BAIAP3: variants seen among roughly 807,000 people sequenced by gnomAD.
BAIAP3 encodes the protein BAI1 associated protein 3, also known as BAI1-associated protein 3.
A neutral mutation model predicts 149.7 loss-of-function variants in BAIAP3; 180 were observed. The ratio of observed to expected loss-of-function variants is 1.20; its 90% CI spans 1.07 to 1.36. The LOEUF (loss-of-function observed/expected upper bound fraction) is 1.36, where lower values mean the gene tolerates loss of function less well. BAIAP3 is among the 40% of genes most tolerant of loss of function. The probability of loss-of-function intolerance (pLI) is 0.00; values close to 1 mark genes in which losing one functional copy is unlikely to be tolerated. For synonymous variants in BAIAP3, 845 were observed against 670.7 expected, an observed-to-expected ratio of 1.26 and a Z score of -4.02; for missense variants, 1,767 against 1,563.4, an observed-to-expected ratio of 1.13 and a Z score of -2.20.
chr16:1,343,515 T>TG lies in BAIAP3; in HGVS notation c.1386+5dup. On this transcript the variant is annotated splice_region_variant and intron_variant, in intron 15 of 33. Coordinates refer to ENST00000426824, the MANE Select transcript of BAIAP3 (RefSeq NM_001199097.2). The stretch of plus-strand genomic sequence containing the variant: ...GCTCCTTCACTGCCCCAGGAGCAGG[T>TG]GGGTGCAGCCGGGACCTTCTTGCCA... The TG allele has an allele frequency of 6.2e-7, 1 of 1,606,094 alleles. No individual in the cohort carries two copies.
chr16:1,338,465 C>A (rs1208783098), intron 1 of BAIAP3, 75 bp from the exon 2 acceptor site: 4 of 292,332 alleles, frequency 1.4e-5, no homozygotes, highest in Non-Finnish European at 2.2e-5. Flanking sequence ...CCCACCCCCC[C>A]ACCCCCCCGC....
intron 17 of BAIAP3, 39 bp from the exon 18 acceptor site, chr16:1,344,430 C>A: frequency 6.2e-7 from 1 of 1,612,846 alleles, no homozygotes; most frequent in South Asian, 1.1e-5. Flanking sequence ...TTCCTCTTCC[C>A]TGCAATCCAC....
intron 29 of BAIAP3, 28 bp from the exon 30 acceptor site, chr16:1,347,517 G>T (rs550014770): frequency 6.3e-7 from 1 of 1,579,598 alleles, no homozygotes; most frequent in African/African-American, 1.4e-5. Flanking sequence ...GCACCCAGGG[G>T]CCCCTCCTGA....
At chr16:1,336,292 C>G in intron 1 of BAIAP3, 3 of 985,456 alleles carry the variant, frequency 3.0e-6, no homozygotes, top group Non-Finnish European at 3.6e-6. Context: ...GATTTCACGA[C>G]TGGCTGTGGG....
chr16:1,339,803 G>T (rs57302381), intron 5 of BAIAP3, among the ~76,000 whole-genome samples, 200 bp downstream of exon 5: 2,475 of 142,538 alleles, frequency 0.017, 63 homozygotes, highest in African/African-American at 0.065. Flanking sequence ...CAGGCTGCAG[G>T]TGCACACAGA....
rs565528199 is a variant in BAIAP3, at chr16:1,347,120, T to C, written c.2751+165T>C. On this transcript the variant is annotated intron_variant, in intron 28 of 33. Coordinates refer to ENST00000426824, the MANE Select transcript of BAIAP3 (RefSeq NM_001199097.2). The stretch of plus-strand genomic sequence containing the variant: ...GTTAATGCCGAGGTGTGGCCTCTGG[T>C]GATGGCCTTTCCCCACGCTTCCTGG... 1.4e-4 allele frequency: 124 copies of C among 870,086 alleles called. 1 individual carries two copies. In the South Asian group the frequency reaches 2.0e-3, roughly 14 times the overall value. 53.9% of individuals were successfully genotyped at this position (870,086 alleles called of 1,614,324 possible).
At chr16:1,344,392 C>A in intron 17 of BAIAP3, 75 bp downstream of exon 17, 1 of 1,609,570 alleles carries the variant, frequency 6.2e-7, no homozygotes, top group Non-Finnish European at 8.5e-7. Context: ...TCCCCTGCAC[C>A]TCTGCACCAC....
In BAIAP3 at chr16:1,342,219, G is replaced by A. The variant is rs151024049; in HGVS notation, c.893G>A (p.Gly298Glu). 974 of 1,606,784 alleles carry A rather than the reference G, an allele frequency of 6.1e-4. 1 individual carries two copies. Among genetic ancestry groups the A allele is most frequent in the Non-Finnish European group, 7.9e-4 (925 of 1,176,762 alleles). ...ATCGTCAAGTCAGCCCGCGCAAACG[G>A]GACAGCAGGACCCACCGAGGACCAC... is the stretch of plus-strand genomic sequence containing the variant. ...KQIVKSARANGTAGPTEDHTD... is the reference protein window; with the variant it reads ...KQIVKSARANETAGPTEDHTD... The change falls in exon 11 of 34, where the codon GGG becomes GAG. Residue 298 changes from glycine (G) to glutamate (E), a missense_variant. By Grantham distance (98) the Gly-to-Glu change is moderately conservative. Transcript: ENST00000426824.
chr16:1,343,809 G>A (rs1596578064), intron 15 of BAIAP3, among the ~76,000 whole-genome samples: 1 of 152,240 alleles, frequency 6.6e-6, no homozygotes, highest in Non-Finnish European at 1.5e-5. Context: ...GGGAACTGCA[G>A]GGGCACAGGC....
At chr16:1,336,162 G>T (rs1412051099) in intron 1 of BAIAP3, 1 of 972,754 alleles carries the variant, frequency 1.0e-6, no homozygotes, top group Non-Finnish European at 1.2e-6. Context: ...TGCCGCGGCG[G>T]TTGCCCTGGC....
intron 1 of BAIAP3, chr16:1,336,523 C>T: frequency 2.5e-6 from 1 of 399,474 alleles, no homozygotes; most frequent in Non-Finnish European, 3.4e-6. Context: ...TGGCAGGGAC[C>T]CTGGAATCAA....
Position 1,349,300 on chromosome 16 carries a change from T to C in BAIAP3, c.*818T>C. 2.1e-6 allele frequency: 2 copies of C among 956,868 alleles called. No homozygotes were observed. Among genetic ancestry groups the C allele is most frequent in the Non-Finnish European group, 3.4e-6 (2 of 595,196 alleles). The allele number at this position is 956,868 out of a possible 1,614,324, so 59.3% of individuals were successfully genotyped here. A position where few individuals can be genotyped will look rare whatever the true frequency, so the allele number is the denominator to read the frequency against. On this transcript the variant is annotated 3_prime_UTR_variant, in exon 34 of 34. Transcript: ENST00000426824. ...GGCAGGACACAGAGCACAGCTGTGC[T>C]GGAAGTGTGGGGAGAACCCGGACAG... is the stretch of plus-strand genomic sequence containing the variant.
chr16:1,343,102 C>A (rs558637047), intron 14 of BAIAP3, 86 bp downstream of exon 14: 43 of 524,936 alleles, frequency 8.2e-5, no homozygotes, highest in South Asian at 6.9e-4. Flanking sequence ...GAGTGGATGT[C>A]GTGGCTGGGA....
intron 1 of BAIAP3, chr16:1,334,440 A>C: frequency 5.4e-6 from 3 of 552,510 alleles, no homozygotes; most frequent in African/African-American, 1.9e-5. Context: ...GCCCCGGGAA[A>C]GGGGGTGCCG....
In BAIAP3 at chr16:1,338,651, C is replaced by T. The variant is rs373174441; in HGVS notation, c.102C>T (p.Ala34=). 3.6e-5 allele frequency: 57 copies of T among 1,590,962 alleles called. No individual in the cohort carries two copies. The highest frequency in any genetic ancestry group is 8.8e-5 in the Admixed American group (5 of 56,532). The change falls in exon 2 of 34, where the codon GCC becomes GCT. Residue 34 remains alanine, a synonymous_variant. Coordinates refer to ENST00000426824, the MANE Select transcript of BAIAP3 (RefSeq NM_001199097.2). ...RTEQDPGSAS[A]DPQEPATGAW... ...AGCAGGACCCAGGGAGTGCCAGCGC[C>T]GACCCGCAGGAGCCTGCCACGGGGG...
Position 1,346,871 on chromosome 16 carries a change from A to C in BAIAP3, c.2667A>C (p.Leu889=). Residue 889 remains leucine (L), a synonymous_variant, in exon 28 of 34, where the codon CTA becomes CTC. Transcript: ENST00000426824. Reference sequence around the variant, plus strand: ...GGGTGCTGGAGGCCCTGTGGGAGCTACTCCTCCAGGCCATTCTGCAGGCGC... The same window carrying C: ...GGGTGCTGGAGGCCCTGTGGGAGCTCCTCCTCCAGGCCATTCTGCAGGCGC... ...LSRVLEALWE[L]LLQAILQALG... The C allele has an allele frequency of 6.2e-7, 1 of 1,606,982 alleles. No individual in the cohort carries two copies. The highest frequency in any genetic ancestry group is 8.5e-7 in the Non-Finnish European group (1 of 1,178,580).
chr16:1,348,303 TGA>T lies in BAIAP3; in HGVS notation c.3355+4_3355+5del. ...ACCTGTGCCGGCCCAGAGCCCAGGG[TGA>T]GTGAGCATCTGGGTGGAGGCAGGGG... On this transcript the variant is annotated splice_donor_region_variant and intron_variant, in intron 33 of 33. Transcript: ENST00000426824. 1 of 1,601,026 alleles carries T rather than the reference TGA, an allele frequency of 6.2e-7. No individual in the cohort carries two copies. The highest frequency in any genetic ancestry group is 8.5e-7 in the Non-Finnish European group (1 of 1,174,280).
chr16:1,339,690 CAG>C, intron 5 of BAIAP3, 87 bp downstream of exon 5: 1 of 1,066,556 alleles, frequency 9.4e-7, no homozygotes, highest in Non-Finnish European at 1.4e-6. Flanking sequence ...ATCACCCAAA[CAG>C]TATGCAGAAT....
intron 1 of BAIAP3, among the ~76,000 whole-genome samples, chr16:1,336,590 A>T: frequency 6.6e-6 from 1 of 151,986 alleles, no homozygotes; most frequent in Non-Finnish European, 1.5e-5. Flanking sequence ...GGGGCTGGTG[A>T]CCCTGAACCC....
Sources: allele counts gnomAD v4.1 joint callset (sites outside exome capture counted in the v4.1 genomes callset), GRCh38; gene constraint gnomAD v4.1.1; transcripts MANE v1.5; gene names NCBI Gene and HGNC (gene_info 2026-07-23, HGNC 2026-07-21).